The following KCTD3 variants were observed in gnomAD, a reference collection of about 807,000 sequenced individuals.
The protein encoded by KCTD3 is potassium channel tetramerization domain containing 3.
KCTD3 carries 41 observed loss-of-function variants against 85.8 expected under a neutral mutation model. The observed-to-expected ratio is 0.48, with a 90% CI of 0.37 to 0.62. KCTD3 has a LOEUF of 0.62. Ranked by LOEUF, KCTD3 falls within the 20% of genes least tolerant of loss-of-function variation. The pLI, the probability that KCTD3 is intolerant of heterozygous loss-of-function variation, is 0.00. For missense variants in KCTD3, 724 were observed against 989.9 expected (o/e 0.73, Z 3.60); for synonymous variants, 338 against 345.4 (o/e 0.98, Z 0.24).
chr1:215,579,283 C>A (rs1003960893), intron 7 of KCTD3, 146 bp downstream of exon 7: 1 of 627,240 alleles, frequency 1.6e-6, no homozygotes, highest in Admixed American at 3.5e-5. Flanking sequence ...TCTCATTTAA[C>A]ACTTAATTTT....
At chr1:215,592,774 C>G (rs1660274425) in intron 9 of KCTD3, among the ~76,000 whole-genome samples, 1 of 152,154 alleles carries the variant, frequency 6.6e-6, no homozygotes, top group African/African-American at 2.4e-5. Context: ...ATAAAGCTCT[C>G]CCAGAGGCTG....
At chr1:215,585,052 G>A (rs924667810) in intron 8 of KCTD3, among the ~76,000 whole-genome samples, 3 of 152,088 alleles carry the variant, frequency 2.0e-5, no homozygotes, top group African/African-American at 7.2e-5. Flanking sequence ...TGGTTTCCCA[G>A]GAAGATGTTA....
chr1:215,575,109 C>T (rs533915729), intron 3 of KCTD3, among the ~76,000 whole-genome samples: 8 of 152,084 alleles, frequency 5.3e-5, no homozygotes, highest in South Asian at 2.1e-4. Context: ...AAAATTAACC[C>T]GGCATAGTGG....
At chr1:215,618,152 GA>G (rs1434799225) in intron 15 of KCTD3, 1 of 466,416 alleles carries the variant, frequency 2.1e-6, no homozygotes, top group Non-Finnish European at 4.5e-6. Context: ...AGGGCATTTG[GA>G]GGTAAACTTT....
chr1:215,612,998 GGAGA>G (rs1316783638), intron 15 of KCTD3, among the ~76,000 whole-genome samples: 1 of 151,980 alleles, frequency 6.6e-6, no homozygotes, highest in African/African-American at 2.4e-5. Context: ...GCGGGGCCGG[GGAGA>G]GAGAGAGCAT....
At chr1:215,607,916 C>A in intron 13 of KCTD3, 101 bp from the exon 14 acceptor site, 1 of 749,940 alleles carries the variant, frequency 1.3e-6, no homozygotes, top group South Asian at 3.9e-5. Flanking sequence ...TGTCATTTGC[C>A]ACTTATACTC....
chr1:215,579,994 T>C lies in KCTD3; in HGVS notation c.621T>C (p.Cys207=). The stretch of plus-strand genomic sequence containing the variant: ...CTGCATATGCCCATTTTGCTGTGTG[T>C]TACAGGTAGTGTATAATTAATAATG... The part of the protein sequence containing the change: ...IVAAYAHFAV[C]YRIKESSGWQ... The change falls in exon 8 of 18, where the codon TGT becomes TGC. Residue 207 remains cysteine, a synonymous_variant. Transcript: ENST00000259154. 1 of 1,592,556 alleles carries C rather than the reference T, an allele frequency of 6.3e-7. No individual in the cohort carries two copies.
At chr1:215,590,768 A>T (rs1176240872) in intron 9 of KCTD3, among the ~76,000 whole-genome samples, 1 of 152,134 alleles carries the variant, frequency 6.6e-6, no homozygotes, top group East Asian at 1.9e-4. Context: ...TTGTTAAAGT[A>T]TTTGTCTGCT....
intron 4 of KCTD3, 81 bp from the exon 5 acceptor site, chr1:215,577,589 A>T: frequency 1.2e-6 from 1 of 842,164 alleles, no homozygotes; most frequent in Non-Finnish European, 2.1e-6. Context: ...TACATGAAGA[A>T]CCTAGAATTT....
intron 12 of KCTD3, 44 bp downstream of exon 12, chr1:215,602,245 T>C (rs766077458): frequency 1.0e-6 from 1 of 984,764 alleles, no homozygotes; most frequent in Non-Finnish European, 1.6e-6. Flanking sequence ...TTTTTATCTT[T>C]TTATTCATTA....
intron 12 of KCTD3, among the ~76,000 whole-genome samples, chr1:215,603,730 TTAAAC>T (rs1483605387): frequency 1.3e-5 from 2 of 152,184 alleles, no homozygotes; most frequent in African/African-American, 4.8e-5. Flanking sequence ...TATGAATTCT[TTAAAC>T]TATGTTGAGT....
chr1:215,589,234 C>CA (rs1222828957), intron 9 of KCTD3, among the ~76,000 whole-genome samples: 1 of 152,042 alleles, frequency 6.6e-6, no homozygotes, highest in Admixed American at 6.6e-5. Context: ...CTCCTGGGCC[C>CA]AGGCACTCAA....
chr1:215,591,292 TTCCTTCC>T (rs1660200020), intron 9 of KCTD3, among the ~76,000 whole-genome samples: 2 of 27,876 alleles, frequency 7.2e-5, no homozygotes, highest in African/African-American at 1.2e-4. Flanking sequence ...CCTTCTTTCC[TTCCTTCC>T]TTCCTTCCTT....
intron 1 of KCTD3, among the ~76,000 whole-genome samples, chr1:215,570,544 TTATCTC>T (rs1659320445): frequency 6.6e-6 from 1 of 152,182 alleles, no homozygotes; most frequent in African/African-American, 2.4e-5. Context: ...TTCCCAGGCT[TTATCTC>T]TAACTAGCCT....
intron 9 of KCTD3, among the ~76,000 whole-genome samples, chr1:215,588,901 G>A (rs1032288467): frequency 4.6e-5 from 7 of 152,134 alleles, no homozygotes; most frequent in African/African-American, 1.7e-4. Flanking sequence ...AAGTTACCAT[G>A]TTATTTCTTC....
intron 14 of KCTD3, among the ~76,000 whole-genome samples, chr1:215,611,071 A>C (rs1655216468): frequency 6.6e-6 from 1 of 151,978 alleles, no homozygotes; most frequent in African/African-American, 2.4e-5. Flanking sequence ...GAATTATTAA[A>C]ATTTTATGTT....
chr1:215,580,086 T>G (rs999842710), intron 8 of KCTD3, 87 bp downstream of exon 8: 2 of 853,502 alleles, frequency 2.3e-6, no homozygotes, highest in Admixed American at 4.5e-5. Context: ...GAAAAGCTAT[T>G]TTTTTTTAGT....
At chr1:215,590,027 G>T (rs1660151973) in intron 9 of KCTD3, among the ~76,000 whole-genome samples, 1 of 152,132 alleles carries the variant, frequency 6.6e-6, no homozygotes, top group Non-Finnish European at 1.5e-5. Flanking sequence ...TTTTCCAAAA[G>T]TACCTTTTTA....
rs180725591 is a variant in KCTD3, at chr1:215,593,845, A to G, written c.818-1511A>G. 1.5e-3 allele frequency among the ~76,000 whole-genome samples: 228 copies of G among 149,256 alleles called. 1 individual carries two copies. The highest frequency in any genetic ancestry group is 0.01 in the Middle Eastern group (3 of 292). On this transcript the variant is annotated intron_variant, in intron 9 of 17. Coordinates refer to ENST00000259154, the MANE Select transcript of KCTD3 (RefSeq NM_016121.5). Reference sequence around the variant, plus strand: ...AAGATAATGCTATTTAAGTGCTAGAATTGGAATACAACTTTTTTTTTTTTT... The same window carrying G: ...AAGATAATGCTATTTAAGTGCTAGAGTTGGAATACAACTTTTTTTTTTTTT...
Sources: gnomAD v4.1 joint callset for allele counts (sites outside exome capture counted in the v4.1 genomes callset) on GRCh38, gnomAD v4.1.1 for gene constraint, MANE v1.5 for transcripts, NCBI Gene and HGNC (gene_info 2026-07-23, HGNC 2026-07-21) for gene names.